Variants in NWD1 observed in about 807,000 individuals in gnomAD.
NWD1 encodes NACHT domain- and WD repeat-containing protein 1.
A neutral mutation model predicts 135.1 loss-of-function variants in NWD1; 129 were observed. The observed-to-expected ratio is 0.96, with a 90% CI of 0.83 to 1.11. NWD1 has a LOEUF of 1.11. NWD1 is among the 50% of genes least tolerant of loss of function. The pLI, the probability that NWD1 is intolerant of heterozygous loss-of-function variation, is 0.00. For missense variants in NWD1, 1,740 were observed against 1,851.3 expected, an observed-to-expected ratio of 0.94 and a Z score of 1.10; for synonymous variants, 773 against 786.0, an observed-to-expected ratio of 0.98 and a Z score of 0.28.
chr19:16,762,092 T>G lies in NWD1; in HGVS notation c.2087T>G (p.Leu696Arg). The change falls in exon 8 of 19, where the codon CTC becomes CGC. Residue 696 changes from leucine (L) to arginine (R), a missense_variant. Leu to Arg is a moderately radical substitution (Grantham distance 102). Coordinates refer to ENST00000524140, the MANE Select transcript of NWD1 (RefSeq NM_001007525.5). ...SGTWSQGTKKLITLPLVGKPL... is the reference protein window; with the variant it reads ...SGTWSQGTKKRITLPLVGKPL... ...ACCTGGAGCCAGGGTACCAAGAAGC[T>G]CATCACTCTGCCACTTGTGGGGAAA... is the stretch of plus-strand genomic sequence containing the variant. The G allele has an allele frequency of 6.2e-7, 1 of 1,614,058 alleles. No homozygotes were observed. The highest frequency in any genetic ancestry group is 1.1e-5 in the South Asian group (1 of 91,070).
chr19:16,788,073 AC>A (rs1227901479), intron 12 of NWD1, among the ~76,000 whole-genome samples: 1 of 147,052 alleles, frequency 6.8e-6, no homozygotes, highest in African/African-American at 2.5e-5. Flanking sequence ...TACTAAAAAT[AC>A]AAAAAATTTG....
At chr19:16,738,246 T>G in intron 4 of NWD1, 1 of 454,092 alleles carries the variant, frequency 2.2e-6, no homozygotes, top group Non-Finnish European at 4.4e-6. Flanking sequence ...CTGATCCCTG[T>G]CCTGGACAGT....
intron 5 of NWD1, among the ~76,000 whole-genome samples, chr19:16,748,648 A>T (rs1968420287): frequency 6.6e-6 from 1 of 151,734 alleles, no homozygotes; most frequent in Non-Finnish European, 1.5e-5. Flanking sequence ...ACATAGTAAG[A>T]CCCCATCTCT....
intron 12 of NWD1, among the ~76,000 whole-genome samples, chr19:16,784,186 C>T (rs1362064115): frequency 6.7e-6 from 1 of 149,162 alleles, no homozygotes. Context: ...GCCTTGGTGA[C>T]AGTGAGACTC....
chr19:16,802,524 G>A (rs896614061), intron 17 of NWD1, among the ~76,000 whole-genome samples: 10 of 148,050 alleles, frequency 6.8e-5, no homozygotes, highest in African/African-American at 2.0e-4. Flanking sequence ...TCCTCTGGCC[G>A]TATGACCTCT....
chr19:16,749,221 A>G lies in NWD1; in HGVS notation c.579A>G (p.Gln193=). 1 of 1,614,104 alleles carries G rather than the reference A, an allele frequency of 6.2e-7. No individual in the cohort carries two copies. The highest frequency in any genetic ancestry group is 1.1e-5 in the South Asian group (1 of 91,082). The change falls in exon 6 of 19, where the codon CAA becomes CAG. Residue 193 remains glutamine, a synonymous_variant. Coordinates refer to ENST00000524140, the MANE Select transcript of NWD1 (RefSeq NM_001007525.5). The part of the protein sequence containing the change: ...QGATVFLREI[Q]DLHKHILEDC... Reference sequence around the variant, plus strand: ...CCACCGTCTTCCTTAGAGAGATCCAAGACCTCCACAAACACATCCTTGAAG... The same window carrying G: ...CCACCGTCTTCCTTAGAGAGATCCAGGACCTCCACAAACACATCCTTGAAG...
chr19:16,817,379 T>C lies in NWD1; in HGVS notation c.*2340T>C, dbSNP rs1412415261. 1.3e-5 allele frequency: 2 copies of C among 151,994 alleles called. No homozygotes were observed. Among genetic ancestry groups the C allele is most frequent in the African/African-American group, 4.8e-5 (2 of 41,362 alleles). 9.4% of individuals were successfully genotyped at this position (151,994 alleles called of 1,614,324 possible). On this transcript the variant is annotated 3_prime_UTR_variant, in exon 19 of 19. Coordinates refer to ENST00000524140, the MANE Select transcript of NWD1 (RefSeq NM_001007525.5). ...ACTTTGGGAGGCTGAGGCGGGTGGATCACTTGAGGCCAGGTGTTCAAGAGC... is the reference window on the plus strand; with the variant it reads ...ACTTTGGGAGGCTGAGGCGGGTGGACCACTTGAGGCCAGGTGTTCAAGAGC...
chr19:16,774,027 CATCT>C (rs1969510640), intron 11 of NWD1, among the ~76,000 whole-genome samples: 1 of 150,672 alleles, frequency 6.6e-6, no homozygotes, highest in African/African-American at 2.4e-5. Context: ...TCCATTCATC[CATCT>C]ATCTACACTC....
chr19:16,805,723 C>T (rs561740152), intron 17 of NWD1, among the ~76,000 whole-genome samples: 21 of 152,268 alleles, frequency 1.4e-4, no homozygotes, highest in African/African-American at 4.8e-4. Context: ...CCCTGCCAAC[C>T]CCCAGAGCTT....
In NWD1 at chr19:16,770,636, G is replaced by T. The variant is rs577263378; in HGVS notation, c.2411-2490G>T. On this transcript the variant is annotated intron_variant, in intron 10 of 18. Coordinates refer to ENST00000524140, the MANE Select transcript of NWD1 (RefSeq NM_001007525.5). ...CCCTCCCCCTGCCCCACAGCCCTCA[G>T]TTTTCCCATCTGCAGAATAGGGATG... Among the ~76,000 whole-genome samples, 4 of 152,118 alleles carry T rather than the reference G, an allele frequency of 2.6e-5. No homozygotes were observed. In the South Asian group the frequency reaches 8.3e-4, roughly 32 times the overall value.
intron 6 of NWD1, among the ~76,000 whole-genome samples, chr19:16,756,202 A>G (rs1968790608): frequency 1.3e-5 from 2 of 152,188 alleles, no homozygotes; most frequent in Admixed American, 6.6e-5. Flanking sequence ...CAGTGAGCCT[A>G]GATCACGCCA....
chr19:16,795,289 G>C (rs1259297932), intron 15 of NWD1, among the ~76,000 whole-genome samples: 2 of 152,198 alleles, frequency 1.3e-5, no homozygotes, highest in Non-Finnish European at 2.9e-5. Context: ...GCTGCTTCAA[G>C]CACTGACACA....
Position 16,735,792 on chromosome 19 carries a change from T to TGGAAGGAA in NWD1, c.82-813_82-806dup, listed in dbSNP as rs1216718356. On this transcript the variant is annotated intron_variant, in intron 3 of 18. Coordinates refer to ENST00000524140, the MANE Select transcript of NWD1 (RefSeq NM_001007525.5). ...TTACAATGAGCCAAGATCATGCCACTGGAAGGAAGGAAGGAAGGAAGGAAG... is the reference window on the plus strand; with the variant it reads ...TTACAATGAGCCAAGATCATGCCACTGGAAGGAAGGAAGGAAGGAAGGAAGGAAGGAAG... Among the ~76,000 whole-genome samples, 308 of 96,536 alleles carry TGGAAGGAA rather than the reference T, an allele frequency of 3.2e-3. 2 individuals carry two copies. The highest frequency in any genetic ancestry group is 4.8e-3 in the Non-Finnish European group (220 of 45,916). 63.3% of individuals were successfully genotyped at this position (96,536 alleles called of 152,430 possible).
chr19:16,804,210 C>T (rs1970685986), intron 17 of NWD1, among the ~76,000 whole-genome samples: 1 of 152,118 alleles, frequency 6.6e-6, no homozygotes, highest in African/African-American at 2.4e-5. Context: ...ATGGGGAGCC[C>T]TGGAAGAGGT....
intron 3 of NWD1, among the ~76,000 whole-genome samples, chr19:16,734,406 G>A (rs961820276): frequency 6.6e-6 from 1 of 151,654 alleles, no homozygotes; most frequent in Non-Finnish European, 1.5e-5. Flanking sequence ...AAAATTAGCC[G>A]GGCATGTAGT....
In NWD1 at chr19:16,809,377, A is replaced by G. The variant is rs572234066; in HGVS notation, c.4287+1241A>G. Among the ~76,000 whole-genome samples the G allele has an allele frequency of 7.2e-5, 11 of 151,760 alleles. No homozygotes were observed. The South Asian group carries it at 2.1e-3, about 29-fold the overall frequency. ...GTTTGAGCCACTGCACCTGGCCAAG[A>G]AGTAATATTTTAATGCAATATTTTT... On this transcript the variant is annotated intron_variant, in intron 18 of 18. Coordinates refer to ENST00000524140, the MANE Select transcript of NWD1 (RefSeq NM_001007525.5).
intron 11 of NWD1, among the ~76,000 whole-genome samples, chr19:16,775,306 A>AAG (rs374594106): frequency 6.6e-6 from 1 of 150,710 alleles, no homozygotes; most frequent in African/African-American, 2.5e-5. Flanking sequence ...GTTGTAAAAA[A>AAG]AAATGGCCAA....
rs1482931430 is a variant in NWD1 at position 16,749,839 on chromosome 19, G to T, written c.1197G>T (p.Leu399=). 3 of 1,611,628 alleles carry T rather than the reference G, an allele frequency of 1.9e-6. No homozygotes were observed. The highest frequency in any genetic ancestry group is 3.3e-5 in the Admixed American group (2 of 59,882). The stretch of plus-strand genomic sequence containing the variant: ...TCCAGGTGTGCCTGGCCTATGGGCT[G>T]CCCTTGCCCCCTGCCCAGGTTCTGG... ...ICFQVCLAYG[L]PLPPAQVLDA... Residue 399 remains leucine, a synonymous_variant, in exon 6 of 19, where the codon CTG becomes CTT. Coordinates refer to ENST00000524140, the MANE Select transcript of NWD1 (RefSeq NM_001007525.5).
chr19:16,724,445 C>G lies in NWD1; in HGVS notation c.-25C>G, dbSNP rs1967249372. 1.3e-5 allele frequency: 2 copies of G among 152,196 alleles called. No individual in the cohort carries two copies. Among genetic ancestry groups the G allele is most frequent in the Non-Finnish European group, 2.9e-5 (2 of 68,042 alleles). The allele number at this position is 152,196 out of a possible 1,614,324, so 9.4% of individuals were successfully genotyped here. A position where few individuals can be genotyped will look rare whatever the true frequency, so the allele number is the denominator to read the frequency against. On this transcript the variant is annotated 5_prime_UTR_variant, in exon 2 of 19. Transcript: ENST00000524140. ...GCGATGGAGGAGCCGGCATTCCAACCAGGCTCACGGATGCCAAGGTATACG... is the reference window on the plus strand; with the variant it reads ...GCGATGGAGGAGCCGGCATTCCAACGAGGCTCACGGATGCCAAGGTATACG...
Sources: gnomAD v4.1 joint callset for allele counts (sites outside exome capture counted in the v4.1 genomes callset) on GRCh38, gnomAD v4.1.1 for gene constraint, MANE v1.5 for transcripts, NCBI Gene and HGNC (gene_info 2026-07-23, HGNC 2026-07-21) for gene names.